The following ABCB4 variants were observed in gnomAD, a reference collection of about 807,000 sequenced individuals.
The protein encoded by ABCB4 is phosphatidylcholine translocator ABCB4.
ABCB4 carries 76 observed loss-of-function variants against 145.7 expected under a neutral mutation model. The observed-to-expected ratio is 0.52, with a 90% CI of 0.43 to 0.63. The LOEUF (loss-of-function observed/expected upper bound fraction) is 0.63, where lower values mean the gene tolerates loss of function less well. Ranked by LOEUF, ABCB4 falls within the 30% of genes least tolerant of loss-of-function variation. The pLI is 0.00. For synonymous variants in ABCB4, 517 were observed against 566.8 expected (o/e 0.91, Z 1.25); for missense variants, 1,234 against 1,553.1 (o/e 0.79, Z 3.45).
intron 2 of ABCB4, among the ~76,000 whole-genome samples, chr7:87,473,758 T>C (rs1046388738): frequency 6.6e-6 from 1 of 152,266 alleles, no homozygotes; most frequent in East Asian, 1.9e-4. Context: ...TGATGATTTA[T>C]ATATATATGA....
chr7:87,461,277 C>T (rs956395879), intron 4 of ABCB4, among the ~76,000 whole-genome samples: 1 of 152,218 alleles, frequency 6.6e-6, no homozygotes, highest in Admixed American at 6.5e-5. Context: ...AACTATCTGT[C>T]CTACCACAAC....
chr7:87,451,509 G>C, intron 7 of ABCB4, 114 bp downstream of exon 7: 7 of 1,127,030 alleles, frequency 6.2e-6, no homozygotes, highest in African/African-American at 1.6e-5. Flanking sequence ...ACTGGATGTA[G>C]TTTCAACTGA....
At chr7:87,473,678 A>G (rs45538032) in intron 2 of ABCB4, among the ~76,000 whole-genome samples, 2,303 of 152,246 alleles carry the variant, frequency 0.015, 61 homozygotes, top group African/African-American at 0.052. Flanking sequence ...TTTAGTATGT[A>G]CATTATTTAT....
At chr7:87,421,003 G>A (rs1809376733) in intron 18 of ABCB4, among the ~76,000 whole-genome samples, 3 of 152,184 alleles carry the variant, frequency 2.0e-5, no homozygotes, top group Non-Finnish European at 4.4e-5. Flanking sequence ...AGATCCAAAT[G>A]AGTATGCTGG....
chr7:87,393,115 T>C, the ABCB4 span: 1 of 1,574,036 alleles, frequency 6.4e-7, no homozygotes, highest in East Asian at 2.2e-5. Flanking sequence ...GTAGGAAAGG[T>C]ATTACTTTTG....
chr7:87,373,323 A>G, the ABCB4 span, among the ~76,000 whole-genome samples: 1 of 152,114 alleles, frequency 6.6e-6, no homozygotes, highest in Non-Finnish European at 1.5e-5. Context: ...TTCTTTAGAT[A>G]TAAGTCTTTT....
chr7:87,419,902 A>T, intron 19 of ABCB4, 96 bp downstream of exon 19: 1 of 1,319,574 alleles, frequency 7.6e-7, no homozygotes, highest in East Asian at 2.3e-5. Context: ...CCCTGGGGGG[A>T]AAACATGCAT....
the ABCB4 span, among the ~76,000 whole-genome samples, chr7:87,393,769 T>G: frequency 6.6e-6 from 1 of 152,100 alleles, no homozygotes; most frequent in Non-Finnish European, 1.5e-5. Flanking sequence ...ATGTGAAAAA[T>G]TGGAATAGTA....
chr7:87,451,838 G>C, intron 6 of ABCB4, 44 bp from the exon 7 acceptor site: 1 of 1,591,912 alleles, frequency 6.3e-7, no homozygotes, highest in Non-Finnish European at 8.6e-7. Flanking sequence ...GGAGGTTTCA[G>C]TTAGAAAGAT....
At chr7:87,433,744 C>T (rs1378842393) in intron 14 of ABCB4, among the ~76,000 whole-genome samples, 1 of 138,512 alleles carries the variant, frequency 7.2e-6, no homozygotes, top group Non-Finnish European at 1.5e-5. Context: ...AAATAAATAT[C>T]CTAGATTTAG....
intron 5 of ABCB4, among the ~76,000 whole-genome samples, 156 bp downstream of exon 5, chr7:87,454,372 ATGATGTG>A (rs1811971069): frequency 1.3e-5 from 2 of 152,246 alleles, no homozygotes; most frequent in African/African-American, 4.8e-5. Flanking sequence ...GTAAAGGGCC[ATGATGTG>A]TGCATCTTAC....
intron 25 of ABCB4, among the ~76,000 whole-genome samples, chr7:87,406,916 C>T (rs984309025): frequency 6.6e-6 from 1 of 152,130 alleles, no homozygotes; most frequent in Non-Finnish European, 1.5e-5. Flanking sequence ...AGAAGCAGGG[C>T]CCCAAAAGCT....
the ABCB4 span, chr7:87,369,592 A>T: frequency 4.0e-6 from 2 of 503,508 alleles, no homozygotes; most frequent in Admixed American, 6.9e-5. Context: ...GAAAAATAAG[A>T]ATTTTATGCA....
At chr7:87,412,946 G>A (rs1808725591) in intron 22 of ABCB4, among the ~76,000 whole-genome samples, 1 of 152,174 alleles carries the variant, frequency 6.6e-6, no homozygotes, top group Admixed American at 6.5e-5. Context: ...CATAACTGAG[G>A]AGATGGCATA....
At chr7:87,428,205 C>T (rs951682335) in intron 15 of ABCB4, among the ~76,000 whole-genome samples, 10 of 152,142 alleles carry the variant, frequency 6.6e-5, no homozygotes, top group Non-Finnish European at 1.0e-4. Context: ...CTTCTATGAC[C>T]AAATGAACAT....
At chr7:87,435,507 G>A (rs1013284681) in intron 14 of ABCB4, among the ~76,000 whole-genome samples, 1 of 152,128 alleles carries the variant, frequency 6.6e-6, no homozygotes, top group African/African-American at 2.4e-5. Flanking sequence ...TGCCATCTTC[G>A]GATGTTACCC....
Position 87,423,941 on chromosome 7 carries a change from G to A in ABCB4, c.2176C>T (p.Pro726Ser), listed in dbSNP as rs1199526408. The A allele has an allele frequency of 6.2e-7, 1 of 1,613,944 alleles. No homozygotes were observed. The highest frequency in any genetic ancestry group is 1.3e-5 in the African/African-American group (1 of 74,910). Residue 726 changes from proline to serine, a missense_variant, in exon 17 of 28, where the codon CCG (proline) becomes TCG (serine). Coordinates refer to ENST00000649586, the MANE Select transcript of ABCB4 (RefSeq NM_000443.4). Reference sequence around the variant, plus strand: ...TCTGAGAATATGACTGAAAATGCCGGCTGAAGCCCCCCATTGGCAATGGCA... The same window carrying A: ...TCTGAGAATATGACTGAAAATGCCGACTGAAGCCCCCCATTGGCAATGGCA... ...VCAIANGGLQ[P>S]AFSVIFSEII...
chr7:87,419,444 TA>T, intron 19 of ABCB4, among the ~76,000 whole-genome samples: 1 of 152,326 alleles, frequency 6.6e-6, no homozygotes, highest in Middle Eastern at 3.4e-3. Context: ...AATAATGGAT[TA>T]TACAGTACCA....
In ABCB4 at chr7:87,403,250, G is replaced by T. The variant is rs1480036240; in HGVS notation, c.3518C>A (p.Thr1173Asn). Residue 1173 changes from threonine (T) to asparagine (N), a missense_variant, in exon 27 of 28, where the codon ACT becomes AAT. Thr to Asn is a moderately conservative substitution (Grantham distance 65). Around this residue, in one of 7 missense-constraint regions of ABCB4, gnomAD observed 301 missense variants for 389.0 expected, o/e 0.77. Coordinates refer to ENST00000649586, the MANE Select transcript of ABCB4 (RefSeq NM_000443.4). ...KYETRVGDKGTQLSGGQKQRI... is the reference protein window; with the variant it reads ...KYETRVGDKGNQLSGGQKQRI... ...CTGTTTTTGACCTCCTGAGAGCTGAGTCCCCTTATCTCCCACTCTTGTTTC... is the reference window on the plus strand; with the variant it reads ...CTGTTTTTGACCTCCTGAGAGCTGATTCCCCTTATCTCCCACTCTTGTTTC... 1 of 1,613,858 alleles carries T rather than the reference G, an allele frequency of 6.2e-7. No individual in the cohort carries two copies. Among genetic ancestry groups the T allele is most frequent in the African/African-American group, 1.3e-5 (1 of 74,898 alleles).
Sources: allele counts gnomAD v4.1 joint callset (sites outside exome capture counted in the v4.1 genomes callset), GRCh38; gene constraint gnomAD v4.1.1; regional missense constraint gnomAD v4.1.1; transcripts MANE v1.5; gene names NCBI Gene and HGNC (gene_info 2026-07-23, HGNC 2026-07-21).